The following MEIS2 variants were observed in gnomAD, a reference collection of about 807,000 sequenced individuals.
MEIS2 encodes the protein Meis homeobox 2.
Under a neutral mutation model 58.6 loss-of-function variants are expected in MEIS2, and 9 were observed. The observed-to-expected ratio is 0.15, with a 90% CI of 0.09 to 0.27. MEIS2 has a LOEUF of 0.27. MEIS2 is among the 10% of genes least tolerant of loss of function. The pLI is 1.00. For missense variants in MEIS2, 427 were observed against 635.0 expected (o/e 0.67, Z 3.52); for synonymous variants, 221 against 228.4 (o/e 0.97, Z 0.29).
intron 6 of MEIS2, among the ~76,000 whole-genome samples, chr15:37,091,992 T>A (rs1033791233): frequency 2.0e-5 from 3 of 152,220 alleles, no homozygotes; most frequent in African/African-American, 7.2e-5. Flanking sequence ...GGTAGTGTCA[T>A]GCCTCATGGA....
intron 9 of MEIS2, among the ~76,000 whole-genome samples, chr15:36,909,454 G>T (rs538743575): frequency 6.6e-6 from 1 of 152,138 alleles, no homozygotes; most frequent in Admixed American, 6.5e-5. Context: ...TTAGAATTGA[G>T]AATAAAAGAG....
At chr15:36,961,507 G>T (rs1396561017) in intron 8 of MEIS2, among the ~76,000 whole-genome samples, 1 of 151,966 alleles carries the variant, frequency 6.6e-6, no homozygotes, top group Non-Finnish European at 1.5e-5. Flanking sequence ...AAATAAATTG[G>T]AAACTTACGG....
At chr15:36,921,638 G>A (rs998267732) in intron 9 of MEIS2, among the ~76,000 whole-genome samples, 2 of 152,004 alleles carry the variant, frequency 1.3e-5, no homozygotes, top group Non-Finnish European at 2.9e-5. Flanking sequence ...TGTTCCCAGA[G>A]CTTGTGTTTC....
In MEIS2 at chr15:37,098,102, T is replaced by G. The variant is rs754593480; in HGVS notation, c.110A>C (p.His37Pro). ...PHAPRPIPPV[H>P]HLNHGPPLHA... ...GAGCGGCGGCCCGTGGTTCAGGTGG[T>G]GAACCGGGGGGATCGGCCGCGGCGC... is the stretch of plus-strand genomic sequence containing the variant. The change falls in exon 2 of 12, where the codon CAC (histidine) becomes CCC (proline). Residue 37 changes from histidine to proline, a missense_variant. Around this residue, in one of 6 missense-constraint regions of MEIS2, gnomAD observed 103 missense variants for 111.8 expected, o/e 0.92. Coordinates refer to ENST00000561208, the MANE Select transcript of MEIS2 (RefSeq NM_170675.5). The G allele has an allele frequency of 6.2e-7, 1 of 1,613,426 alleles. No homozygotes were observed. The highest frequency in any genetic ancestry group is 8.5e-7 in the Non-Finnish European group (1 of 1,179,856).
chr15:36,910,641 C>T (rs963269494), intron 9 of MEIS2, among the ~76,000 whole-genome samples: 2 of 152,176 alleles, frequency 1.3e-5, no homozygotes, highest in Admixed American at 6.5e-5. Context: ...GATGAAGAAC[C>T]ACTTGTAGGG....
intron 9 of MEIS2, among the ~76,000 whole-genome samples, chr15:36,906,929 A>C (rs2056770186): frequency 6.6e-6 from 1 of 152,118 alleles, no homozygotes; most frequent in Non-Finnish European, 1.5e-5. Context: ...TTCTAATAGG[A>C]CCAATTCGCT....
At chr15:37,000,805 G>A (rs1336532419) in intron 8 of MEIS2, among the ~76,000 whole-genome samples, 1 of 152,016 alleles carries the variant, frequency 6.6e-6, no homozygotes, top group East Asian at 1.9e-4. Context: ...TAAAAGAAGA[G>A]AAGCAAAAAA....
chr15:36,958,522 A>G (rs914694355), intron 8 of MEIS2, among the ~76,000 whole-genome samples: 1 of 152,212 alleles, frequency 6.6e-6, no homozygotes, highest in Non-Finnish European at 1.5e-5. Flanking sequence ...GAATTAAGTG[A>G]TGGTCCGATA....
At chr15:36,944,239 T>G (rs1390280735) in intron 9 of MEIS2, among the ~76,000 whole-genome samples, 1 of 152,122 alleles carries the variant, frequency 6.6e-6, no homozygotes, top group African/African-American at 2.4e-5. Context: ...GCGATCCCTC[T>G]GGTTAAACAT....
intron 8 of MEIS2, among the ~76,000 whole-genome samples, chr15:36,955,627 C>T (rs117291901): frequency 1.8e-3 from 275 of 152,254 alleles, no homozygotes; most frequent in Non-Finnish European, 2.8e-3. Context: ...AATTTTGAAT[C>T]TCTCTGACTC....
intron 8 of MEIS2, among the ~76,000 whole-genome samples, chr15:37,012,386 C>T (rs1285009594): frequency 6.6e-6 from 1 of 152,200 alleles, no homozygotes; most frequent in African/African-American, 2.4e-5. Flanking sequence ...AAGAGATGCA[C>T]TATTTGTTTG....
intron 2 of MEIS2, among the ~76,000 whole-genome samples, chr15:37,097,598 C>G (rs578191527): frequency 2.0e-5 from 3 of 152,198 alleles, no homozygotes; most frequent in South Asian, 2.1e-4. Context: ...TGCTTCTCAT[C>G]GGCAGGAAAC....
At chr15:36,968,359 A>T (rs1180695712) in intron 8 of MEIS2, among the ~76,000 whole-genome samples, 1 of 152,158 alleles carries the variant, frequency 6.6e-6, no homozygotes, top group Non-Finnish European at 1.5e-5. Flanking sequence ...GTGGGTTGAA[A>T]AATAGGGGTT....
At chr15:36,947,001 T>C (rs2058590336) in intron 9 of MEIS2, among the ~76,000 whole-genome samples, 1 of 152,034 alleles carries the variant, frequency 6.6e-6, no homozygotes, top group African/African-American at 2.4e-5. Flanking sequence ...TCCTCTCTCC[T>C]AACGCGTGTA....
rs1262056264 is a variant in MEIS2 at position 36,889,849 on chromosome 15, T to C, written c.*2324A>G. The stretch of plus-strand genomic sequence containing the variant: ...TTCATGTAAAATAGAATAGCAAAAA[T>C]GAGAGGGAAGCTATCTCTCTTTCCC... On this transcript the variant is annotated 3_prime_UTR_variant, in exon 12 of 12. Transcript: ENST00000561208. 6.6e-6 allele frequency: 1 copy of C among 152,126 alleles called. No homozygotes were observed. The highest frequency in any genetic ancestry group is 1.5e-5 in the Non-Finnish European group (1 of 68,004). The allele number at this position is 152,126 out of a possible 1,614,324, so 9.4% of individuals were successfully genotyped here.
At chr15:37,072,688 T>C (rs906652808) in intron 7 of MEIS2, among the ~76,000 whole-genome samples, 5 of 152,128 alleles carry the variant, frequency 3.3e-5, no homozygotes, top group African/African-American at 1.2e-4. Context: ...TTATTTATTT[T>C]GTATTATACT....
intron 8 of MEIS2, among the ~76,000 whole-genome samples, chr15:36,989,424 T>C (rs537672925): frequency 6.6e-6 from 1 of 151,954 alleles, no homozygotes; most frequent in East Asian, 1.9e-4. Flanking sequence ...TGGTGTAGGT[T>C]CGGCTTGGGA....
chr15:37,022,738 G>A (rs1284545703), intron 8 of MEIS2, among the ~76,000 whole-genome samples: 5 of 152,050 alleles, frequency 3.3e-5, no homozygotes, highest in Non-Finnish European at 7.4e-5. Context: ...TCCCAGGAGG[G>A]AGCAATTCAA....
chr15:37,045,210 C>T (rs1405303527), intron 7 of MEIS2, among the ~76,000 whole-genome samples: 1 of 152,070 alleles, frequency 6.6e-6, no homozygotes, highest in Non-Finnish European at 1.5e-5. Flanking sequence ...TGCCCACTGC[C>T]CAGCTTGTTT....
Sources: gnomAD v4.1 joint callset for allele counts (sites outside exome capture counted in the v4.1 genomes callset) on GRCh38, gnomAD v4.1.1 for gene constraint, gnomAD v4.1.1 regional missense constraint, MANE v1.5 for transcripts, NCBI Gene and HGNC (gene_info 2026-07-23, HGNC 2026-07-21) for gene names.